The following EEFSEC variants were observed in gnomAD, a reference collection of about 807,000 sequenced individuals.
The protein encoded by EEFSEC is eukaryotic elongation factor, selenocysteine-tRNA specific.
Under a neutral mutation model 42.1 loss-of-function variants are expected in EEFSEC, and 43 were observed. That is an observed-to-expected ratio of 1.02 (90% CI 0.80 to 1.32). The LOEUF is 1.32. Ranked by LOEUF, EEFSEC falls within the 40% of genes most tolerant of loss-of-function variation. The pLI is 0.00. For missense variants in EEFSEC, 745 were observed against 803.6 expected (o/e 0.93, Z 0.88); for synonymous variants, 354 against 339.1 (o/e 1.04, Z -0.48).
chr3:128,374,325 T>C (rs1030933244), intron 6 of EEFSEC, among the ~76,000 whole-genome samples: 1 of 151,988 alleles, frequency 6.6e-6, no homozygotes. Context: ...TGTAGACTTG[T>C]GTAAGCGGAC....
intron 1 of EEFSEC, among the ~76,000 whole-genome samples, chr3:128,212,988 C>T (rs1205762536): frequency 2.6e-5 from 4 of 152,212 alleles, no homozygotes; most frequent in Non-Finnish European, 4.4e-5. Context: ...GCAGCGCCAG[C>T]TTCCATCCTT....
chr3:128,277,359 G>T (rs1020420692), intron 4 of EEFSEC, among the ~76,000 whole-genome samples: 9 of 152,146 alleles, frequency 5.9e-5, no homozygotes, highest in African/African-American at 2.2e-4. Flanking sequence ...ATTTAAAAAA[G>T]GCACTTGCCT....
Position 128,354,939 on chromosome 3 carries a change from G to A in EEFSEC, c.1444-3278G>A, listed in dbSNP as rs9840629. On this transcript the variant is annotated intron_variant, in intron 5 of 6. Transcript: ENST00000254730. ...GCATGAGGGAACCAGCACTGGGGAC[G>A]TGAATTGATCTGTCAGTGTGTTCTC... 1.5e-3 allele frequency among the ~76,000 whole-genome samples: 233 copies of A among 152,314 alleles called. 1 individual carries two copies. Among genetic ancestry groups the A allele is most frequent in the African/African-American group, 5.2e-3 (218 of 41,580 alleles).
intron 1 of EEFSEC, among the ~76,000 whole-genome samples, chr3:128,161,312 ACT>A (rs1290011657): frequency 6.6e-6 from 1 of 152,016 alleles, no homozygotes; most frequent in East Asian, 1.9e-4. Context: ...CCTCAATCTA[ACT>A]CTGGCAGGAA....
chr3:128,190,401 A>T (rs983923664), intron 1 of EEFSEC, among the ~76,000 whole-genome samples: 12 of 152,254 alleles, frequency 7.9e-5, no homozygotes, highest in African/African-American at 2.9e-4. Context: ...TTAACAAAAA[A>T]GTTTAAAAAG....
At chr3:128,314,044 G>A (rs11706852) in intron 4 of EEFSEC, among the ~76,000 whole-genome samples, 26,482 of 152,168 alleles carry the variant, frequency 0.17, 3,056 homozygotes, top group African/African-American at 0.33. Context: ...TTCTACATCT[G>A]TACATGTGGA....
At chr3:128,332,929 G>A (rs1178009536) in intron 4 of EEFSEC, among the ~76,000 whole-genome samples, 1 of 152,192 alleles carries the variant, frequency 6.6e-6, no homozygotes, top group Admixed American at 6.5e-5. Context: ...AACAAAATTG[G>A]TTAGGTCTGA....
chr3:128,388,938 G>A (rs921169482), intron 6 of EEFSEC, among the ~76,000 whole-genome samples: 2 of 152,222 alleles, frequency 1.3e-5, no homozygotes. Context: ...TTCTGGGTCA[G>A]GAGCCTGAGG....
At chr3:128,327,420 G>T (rs2067077013) in intron 4 of EEFSEC, among the ~76,000 whole-genome samples, 1 of 151,394 alleles carries the variant, frequency 6.6e-6, no homozygotes, top group Non-Finnish European at 1.5e-5. Context: ...AATGAAATAT[G>T]AATACACATC....
chr3:128,237,072 T>A (rs190559142), intron 1 of EEFSEC, among the ~76,000 whole-genome samples: 1 of 152,374 alleles, frequency 6.6e-6, no homozygotes, highest in African/African-American at 2.4e-5. Context: ...TAGCTGTTGA[T>A]ACCATTTACA....
chr3:128,199,190 C>A (rs956811424), intron 1 of EEFSEC, among the ~76,000 whole-genome samples: 5 of 152,056 alleles, frequency 3.3e-5, no homozygotes, highest in Non-Finnish European at 7.4e-5. Flanking sequence ...GTCAACACAC[C>A]CTGTTTGTTT....
At chr3:128,296,280 G>A (rs2066705468) in intron 4 of EEFSEC, among the ~76,000 whole-genome samples, 1 of 152,184 alleles carries the variant, frequency 6.6e-6, no homozygotes, top group Non-Finnish European at 1.5e-5. Context: ...TCCTGTCCCT[G>A]GTATGCAGAA....
intron 5 of EEFSEC, among the ~76,000 whole-genome samples, chr3:128,352,358 G>A (rs1365943879): frequency 6.6e-6 from 1 of 152,212 alleles, no homozygotes; most frequent in African/African-American, 2.4e-5. Context: ...AGTACACACA[G>A]CAGTAATTTC....
At position 128,223,882 on chromosome 3, in the gene EEFSEC, G is replaced by A. The variant is rs531117716; in HGVS notation, c.317-22954G>A. 1.5e-4 allele frequency among the ~76,000 whole-genome samples: 11 copies of A among 74,052 alleles called. 1 individual carries two copies. In the South Asian group the frequency reaches 2.1e-3, roughly 14 times the overall value. 48.6% of individuals were successfully genotyped at this position (74,052 alleles called of 152,430 possible). ...GAAATGACATCAAAGATATAAAAAC[G>A]GGATATTTTGTATTTTGAAAACCTC... On this transcript the variant is annotated intron_variant, in intron 1 of 6. Coordinates refer to ENST00000254730, the MANE Select transcript of EEFSEC (RefSeq NM_021937.5).
intron 6 of EEFSEC, among the ~76,000 whole-genome samples, chr3:128,376,096 G>A (rs566318375): frequency 6.6e-6 from 1 of 152,310 alleles, no homozygotes; most frequent in South Asian, 2.1e-4. Context: ...GTCCAGTGGA[G>A]TAGGGTGCCT....
chr3:128,272,581 C>G (rs1191549073), intron 4 of EEFSEC, among the ~76,000 whole-genome samples: 2 of 152,210 alleles, frequency 1.3e-5, no homozygotes, highest in African/African-American at 4.8e-5. Context: ...ATTGTGAGAG[C>G]TCTGTCTCCA....
chr3:128,353,487 G>C (rs545924431), intron 5 of EEFSEC, among the ~76,000 whole-genome samples: 286 of 152,320 alleles, frequency 1.9e-3, no homozygotes, highest in Non-Finnish European at 3.0e-3. Flanking sequence ...ATAACCTGGT[G>C]GGGGCTGGGG....
At chr3:128,169,528 C>A (rs1336678615) in intron 1 of EEFSEC, among the ~76,000 whole-genome samples, 2 of 152,218 alleles carry the variant, frequency 1.3e-5, no homozygotes, top group Admixed American at 1.3e-4. Flanking sequence ...CTATGGCTAT[C>A]CTATTGGCCT....
intron 4 of EEFSEC, among the ~76,000 whole-genome samples, chr3:128,314,184 C>T (rs2066920261): frequency 6.6e-6 from 1 of 152,148 alleles, no homozygotes; most frequent in African/African-American, 2.4e-5. Flanking sequence ...CTGTGTGTAT[C>T]CTGTCTGCTT....
Sources: gnomAD v4.1 joint callset for allele counts (sites outside exome capture counted in the v4.1 genomes callset) on GRCh38, gnomAD v4.1.1 for gene constraint, MANE v1.5 for transcripts, NCBI Gene and HGNC (gene_info 2026-07-23, HGNC 2026-07-21) for gene names.